The following MYT1L variants were observed in gnomAD, a reference collection of about 807,000 sequenced individuals.
The protein encoded by MYT1L is myelin transcription factor 1-like protein.
MYT1L carries 12 observed loss-of-function variants against 126.7 expected under a neutral mutation model. The observed-to-expected ratio is 0.09, with a 90% CI of 0.06 to 0.15. The LOEUF is 0.15. Ranked by LOEUF, MYT1L falls within the 10% of genes least tolerant of loss-of-function variation. MYT1L has a pLI of 1.00. For missense variants in MYT1L, 979 were observed against 1,585.2 expected, an observed-to-expected ratio of 0.62 and a Z score of 6.49; for synonymous variants, 541 against 604.2, an observed-to-expected ratio of 0.90 and a Z score of 1.53.
intron 2 of MYT1L, among the ~76,000 whole-genome samples, chr2:2,246,810 T>C (rs2094544521): frequency 6.6e-6 from 1 of 152,216 alleles, no homozygotes; most frequent in Non-Finnish European, 1.5e-5. Flanking sequence ...CTAAGTATCT[T>C]AGCTTTTGCC....
At chr2:2,185,402 A>T (rs955898330) in intron 2 of MYT1L, among the ~76,000 whole-genome samples, 8 of 152,220 alleles carry the variant, frequency 5.3e-5, no homozygotes, top group Non-Finnish European at 1.0e-4. Context: ...CGTGCAAACT[A>T]ATATATTCAC....
At chr2:1,817,694 T>G (rs1302904325) in intron 21 of MYT1L, among the ~76,000 whole-genome samples, 42 of 152,074 alleles carry the variant, frequency 2.8e-4, no homozygotes, top group Non-Finnish European at 1.5e-4. Context: ...GACAGTGCCA[T>G]CTAGCGGTGG....
At chr2:2,138,148 C>A (rs1457180568) in intron 3 of MYT1L, among the ~76,000 whole-genome samples, 1 of 152,122 alleles carries the variant, frequency 6.6e-6, no homozygotes. Context: ...AGATAGATAT[C>A]ATCTCACACC....
chr2:1,917,118 A>C lies in MYT1L; in HGVS notation c.1618+87T>G. On this transcript the variant is annotated intron_variant, in intron 11 of 24. Coordinates refer to ENST00000647738, the MANE Select transcript of MYT1L (RefSeq NM_001303052.2). This position sits in a 1 kb window ranked among gnomAD's most constrained non-coding sequence, Gnocchi z 5.9. ...AAATCAGGTCGCACCGAGCCGTACA[A>C]TGGAGATGATGTCAGGTAAGAGGGA... The C allele has an allele frequency of 1.3e-6, 2 of 1,502,220 alleles. No individual in the cohort carries two copies. Among genetic ancestry groups the C allele is most frequent in the East Asian group, 2.3e-5 (1 of 43,900 alleles). 93.1% of individuals were successfully genotyped at this position (1,502,220 alleles called of 1,614,324 possible).
chr2:1,808,511 A>G (rs1442959826), intron 22 of MYT1L, among the ~76,000 whole-genome samples: 1 of 152,146 alleles, frequency 6.6e-6, no homozygotes, highest in Non-Finnish European at 1.5e-5. Flanking sequence ...GATGTTTCTA[A>G]GGGCTTAAGT....
At chr2:1,956,279 CCTAT>C (rs201337937) in intron 8 of MYT1L, among the ~76,000 whole-genome samples, 14,017 of 132,222 alleles carry the variant, frequency 0.11, 1,200 homozygotes, top group East Asian at 0.23. Flanking sequence ...TGTCTATCTA[CCTAT>C]CTATCATCTA....
chr2:2,277,109 G>A (rs1047327494), intron 2 of MYT1L, among the ~76,000 whole-genome samples: 4 of 151,996 alleles, frequency 2.6e-5, no homozygotes, highest in Admixed American at 2.0e-4. Flanking sequence ...AGTCACTCAA[G>A]TAGCTGGGAC....
At chr2:2,208,367 A>G (rs2093387262) in intron 2 of MYT1L, among the ~76,000 whole-genome samples, 1 of 152,200 alleles carries the variant, frequency 6.6e-6, no homozygotes, top group South Asian at 2.1e-4. Flanking sequence ...CAACCACTAC[A>G]TGACATAACG....
intron 3 of MYT1L, among the ~76,000 whole-genome samples, chr2:2,110,571 C>G (rs2079302703): frequency 6.8e-6 from 1 of 147,882 alleles, no homozygotes; most frequent in African/African-American, 2.5e-5. Context: ...TCCCTCCCTC[C>G]CTCTCTCCTT....
At chr2:2,103,990 C>G (rs755600522) in intron 3 of MYT1L, among the ~76,000 whole-genome samples, 2 of 152,232 alleles carry the variant, frequency 1.3e-5, no homozygotes, top group African/African-American at 4.8e-5. Context: ...TCTGAGCCAC[C>G]TTTCTCTATC....
chr2:1,985,616 T>C (rs1284881722), intron 5 of MYT1L, among the ~76,000 whole-genome samples: 13 of 152,238 alleles, frequency 8.5e-5, no homozygotes. Flanking sequence ...CAACACGTAT[T>C]ATCATGAAAC....
At chr2:1,956,421 T>C (rs1380776458) in intron 8 of MYT1L, among the ~76,000 whole-genome samples, 10 of 130,952 alleles carry the variant, frequency 7.6e-5, no homozygotes, top group African/African-American at 3.3e-4. Flanking sequence ...TATCTATCTA[T>C]CTATCTATCT....
At chr2:2,252,034 C>T (rs974394162) in intron 2 of MYT1L, among the ~76,000 whole-genome samples, 1 of 152,072 alleles carries the variant, frequency 6.6e-6, no homozygotes, top group African/African-American at 2.4e-5. Flanking sequence ...CTGAAGTTAC[C>T]TAAATTTTGG....
At chr2:2,288,617 C>T (rs1339867283) in intron 1 of MYT1L, among the ~76,000 whole-genome samples, 5 of 152,140 alleles carry the variant, frequency 3.3e-5, no homozygotes, top group African/African-American at 7.2e-5. Flanking sequence ...GGTTAGATAG[C>T]TATATTATTA....
intron 3 of MYT1L, among the ~76,000 whole-genome samples, chr2:2,146,049 T>C (rs755481650): frequency 3.3e-5 from 5 of 152,204 alleles, no homozygotes; most frequent in Non-Finnish European, 7.4e-5. Flanking sequence ...ATTAGTACCA[T>C]TGTCTAAGGA....
chr2:1,830,753 T>C (rs2040045312), intron 21 of MYT1L, among the ~76,000 whole-genome samples: 1 of 152,068 alleles, frequency 6.6e-6, no homozygotes, highest in African/African-American at 2.4e-5. Flanking sequence ...GCAGGAGTCC[T>C]TCCCTCAGGA....
At chr2:1,817,326 G>A (rs2037819683) in intron 21 of MYT1L, among the ~76,000 whole-genome samples, 1 of 152,150 alleles carries the variant, frequency 6.6e-6, no homozygotes, top group African/African-American at 2.4e-5. Flanking sequence ...GGGGGGATAG[G>A]GGCGCCACAC....
At chr2:2,006,513 C>T (rs2063346098) in intron 4 of MYT1L, among the ~76,000 whole-genome samples, 1 of 152,074 alleles carries the variant, frequency 6.6e-6, no homozygotes, top group African/African-American at 2.4e-5. Context: ...ACTTATATCT[C>T]CCCATCACCC....
At position 2,226,921 on chromosome 2, in the gene MYT1L, A is replaced by G. The variant is rs75825920; in HGVS notation, c.-420-53933T>C. Among the ~76,000 whole-genome samples, 408 of 152,238 alleles carry G rather than the reference A, an allele frequency of 2.7e-3. 4 individuals are homozygous for G. Among genetic ancestry groups the G allele is most frequent in the Admixed American group, 0.019 (287 of 15,298 alleles). On this transcript the variant is annotated intron_variant, in intron 2 of 24. Coordinates refer to ENST00000647738, the MANE Select transcript of MYT1L (RefSeq NM_001303052.2). ...TCTTTCTAATGTGTCTCCCTTCCATATTAACAAGTATGCCAGCAATACCCT... is the reference window on the plus strand; with the variant it reads ...TCTTTCTAATGTGTCTCCCTTCCATGTTAACAAGTATGCCAGCAATACCCT...
Sources: allele counts gnomAD v4.1 joint callset (sites outside exome capture counted in the v4.1 genomes callset), GRCh38; gene constraint gnomAD v4.1.1; non-coding constraint Gnocchi (gnomAD v3.1); transcripts MANE v1.5; gene names NCBI Gene and HGNC (gene_info 2026-07-23, HGNC 2026-07-21).